Variants in SMURF1 observed in about 807,000 individuals in gnomAD.
SMURF1 encodes the protein SMAD specific E3 ubiquitin protein ligase 1, also known as E3 ubiquitin-protein ligase SMURF1.
SMURF1 carries 44 observed loss-of-function variants against 98.0 expected under a neutral mutation model. The ratio of observed to expected loss-of-function variants is 0.45; its 90% confidence interval spans 0.35 to 0.58. The LOEUF (loss-of-function observed/expected upper bound fraction) is 0.58. Among genes scored for constraint, SMURF1 ranks in the 20% least tolerant of loss-of-function variants. The pLI is 0.00. For missense variants in SMURF1, 687 were observed against 938.4 expected, an observed-to-expected ratio of 0.73 and a Z score of 3.50; for synonymous variants, 396 against 374.9, an observed-to-expected ratio of 1.06 and a Z score of -0.65.
intron 1 of SMURF1, among the ~76,000 whole-genome samples, chr7:99,127,454 G>A (rs10231880): frequency 0.07 from 10,682 of 152,104 alleles, 500 homozygotes; most frequent in East Asian, 0.19. Context: ...CAGTTTGGAA[G>A]GCCGAGATGG....
At chr7:99,040,091 A>G (rs939000415) in intron 13 of SMURF1, among the ~76,000 whole-genome samples, 2 of 152,162 alleles carry the variant, frequency 1.3e-5, no homozygotes, top group African/African-American at 2.4e-5. Context: ...CATGAGGAAA[A>G]TAAGTCAACT....
intron 1 of SMURF1, among the ~76,000 whole-genome samples, chr7:99,111,180 G>C (rs1248059784): frequency 6.6e-6 from 1 of 152,060 alleles, no homozygotes; most frequent in African/African-American, 2.4e-5. Context: ...AAGAATAATG[G>C]AATAAAGGTC....
intron 1 of SMURF1, among the ~76,000 whole-genome samples, chr7:99,091,682 G>C (rs1796816621): frequency 1.3e-5 from 2 of 152,070 alleles, no homozygotes; most frequent in African/African-American, 4.8e-5. Flanking sequence ...GCCCCCTCTG[G>C]CTTCTACCCT....
intron 1 of SMURF1, among the ~76,000 whole-genome samples, chr7:99,084,617 T>G (rs1029467205): frequency 6.6e-6 from 1 of 152,154 alleles, no homozygotes; most frequent in Non-Finnish European, 1.5e-5. Flanking sequence ...TCTCTTGGCC[T>G]CATGATCCAC....
intron 1 of SMURF1, among the ~76,000 whole-genome samples, chr7:99,126,077 C>T (rs1399439471): frequency 6.6e-6 from 1 of 152,200 alleles, no homozygotes; most frequent in Non-Finnish European, 1.5e-5. Context: ...TGTATTGTTA[C>T]TTAACTGTTT....
chr7:99,103,986 G>A (rs1247096843), intron 1 of SMURF1, among the ~76,000 whole-genome samples: 3 of 150,918 alleles, frequency 2.0e-5, no homozygotes, highest in East Asian at 2.0e-4. Context: ...TCTGCCTCCC[G>A]GGTTCAAGCA....
At chr7:99,101,363 C>A (rs977178378) in intron 1 of SMURF1, among the ~76,000 whole-genome samples, 9 of 152,082 alleles carry the variant, frequency 5.9e-5, no homozygotes, top group African/African-American at 2.2e-4. Context: ...TAGAACAAGA[C>A]CCTGTCTCAA....
intron 11 of SMURF1, 118 bp from the exon 12 acceptor site, chr7:99,042,350 G>A: frequency 1.6e-6 from 1 of 638,390 alleles, no homozygotes; most frequent in Non-Finnish European, 2.7e-6. Context: ...CATGATCTTG[G>A]CTCACTGCAA....
intron 1 of SMURF1, among the ~76,000 whole-genome samples, chr7:99,092,465 C>G (rs950922961): frequency 6.6e-6 from 1 of 152,188 alleles, no homozygotes; most frequent in Non-Finnish European, 1.5e-5. Flanking sequence ...AGAGCAACAA[C>G]GACAACAAAA....
chr7:99,033,175 C>A, intron 16 of SMURF1, 54 bp from the exon 17 acceptor site: 1 of 1,524,110 alleles, frequency 6.6e-7, no homozygotes, highest in Non-Finnish European at 8.9e-7. Context: ...CGTGGCGCTT[C>A]CCGGCCACAC....
intron 1 of SMURF1, among the ~76,000 whole-genome samples, chr7:99,076,877 ATGTG>A (rs1023184024): frequency 2.0e-5 from 3 of 151,824 alleles, no homozygotes; most frequent in African/African-American, 7.3e-5. Context: ...GTGTGCCTGC[ATGTG>A]TGTGCACGTG....
chr7:99,112,370 C>A (rs545229861), intron 1 of SMURF1, among the ~76,000 whole-genome samples: 7 of 152,152 alleles, frequency 4.6e-5, no homozygotes, highest in Non-Finnish European at 1.0e-4. Context: ...GTAAATAAAT[C>A]TCTAGTGATT....
rs1301181826 is a variant in SMURF1, at chr7:99,042,278, TA to T, written c.1257-47del. 2.2e-6 allele frequency: 3 copies of T among 1,373,134 alleles called. No individual in the cohort carries two copies. The Admixed American group carries it at 5.7e-5, about 26-fold the overall frequency. 85.1% of individuals were successfully genotyped at this position (1,373,134 alleles called of 1,614,324 possible). A position where few individuals can be genotyped will look rare whatever the true frequency, so the allele number is the denominator to read the frequency against. ...TGCATTTGAGACGCGCTAAAATTTCTACATTTTTTTTTTTTCCCTGAGATGG... is the reference window on the plus strand; with the variant it reads ...TGCATTTGAGACGCGCTAAAATTTCTCATTTTTTTTTTTTCCCTGAGATGG... On this transcript the variant is annotated intron_variant, in intron 11 of 17. Coordinates refer to ENST00000361368, the MANE Select transcript of SMURF1 (RefSeq NM_181349.3).
At chr7:99,095,426 A>G (rs1796936324) in intron 1 of SMURF1, among the ~76,000 whole-genome samples, 1 of 152,126 alleles carries the variant, frequency 6.6e-6, no homozygotes, top group Non-Finnish European at 1.5e-5. Context: ...ATCCAGCCAC[A>G]CTGAGATGCC....
chr7:99,044,204 CAG>C (rs748585453), intron 11 of SMURF1, among the ~76,000 whole-genome samples: 1 of 152,020 alleles, frequency 6.6e-6, no homozygotes, highest in South Asian at 2.1e-4. Context: ...CCCAGCTACT[CAG>C]GGGGCTGAGG....
chr7:99,143,734 C>A lies in SMURF1; in HGVS notation c.47G>T (p.Arg16Leu). Residue 16 changes from arginine to leucine, a missense_variant, in exon 1 of 18, where the codon CGT becomes CTT. Arg to Leu is a moderately radical substitution (Grantham distance 102). This residue lies in a region of SMURF1 where 415 missense variants were observed against 508.4 expected (regional missense o/e 0.82). Coordinates refer to ENST00000361368, the MANE Select transcript of SMURF1 (RefSeq NM_181349.3). ...TRRNGSSIKI[R>L]LTVLCAKNLA... is the part of the protein sequence containing the mutation. ...CCTCCCGCCGGCCGTACCTGTCAGA[C>A]GGATCTTGATGCTGGAGCCGTTCCT... The A allele has an allele frequency of 6.4e-7, 1 of 1,560,996 alleles. No homozygotes were observed. Among genetic ancestry groups the A allele is most frequent in the Non-Finnish European group, 8.6e-7 (1 of 1,156,116 alleles).
chr7:99,093,666 C>T (rs1796866467), intron 1 of SMURF1, among the ~76,000 whole-genome samples: 1 of 151,846 alleles, frequency 6.6e-6, no homozygotes, highest in African/African-American at 2.4e-5. Flanking sequence ...GACTACTTTC[C>T]TCCTTGTATA....
chr7:99,052,100 A>G (rs1584461458), intron 7 of SMURF1, 105 bp downstream of exon 7: 2 of 1,425,786 alleles, frequency 1.4e-6, no homozygotes, highest in Admixed American at 5.0e-5. Flanking sequence ...ATGCCACTGC[A>G]CTCCAGCATG....
chr7:99,028,725 C>T lies in SMURF1; in HGVS notation c.*1859G>A, dbSNP rs1794782782. The T allele has an allele frequency of 6.6e-6, 1 of 152,266 alleles. No individual in the cohort carries two copies. Among genetic ancestry groups the T allele is most frequent in the South Asian group, 2.1e-4 (1 of 4,834 alleles). 9.4% of individuals were successfully genotyped at this position (152,266 alleles called of 1,614,324 possible). On this transcript the variant is annotated 3_prime_UTR_variant, in exon 18 of 18. Coordinates refer to ENST00000361368, the MANE Select transcript of SMURF1 (RefSeq NM_181349.3). ...CACCACCAGGAAAATCAGGTGGGGCCTCTGACCTCATCCCGGAGGCCGCTT... is the reference window on the plus strand; with the variant it reads ...CACCACCAGGAAAATCAGGTGGGGCTTCTGACCTCATCCCGGAGGCCGCTT...
Sources: gnomAD v4.1 joint callset for allele counts (sites outside exome capture counted in the v4.1 genomes callset) on GRCh38, gnomAD v4.1.1 for gene constraint, gnomAD v4.1.1 regional missense constraint, MANE v1.5 for transcripts, NCBI Gene and HGNC (gene_info 2026-07-23, HGNC 2026-07-21) for gene names.